RBM27: variants seen among roughly 807,000 people sequenced by gnomAD.
The protein encoded by RBM27 is RNA binding motif protein 27.
RBM27 carries 22 observed loss-of-function variants against 135.3 expected under a neutral mutation model. The observed-to-expected ratio is 0.16, with a 90% CI of 0.12 to 0.23. The LOEUF (loss-of-function observed/expected upper bound fraction) is 0.23, where lower values mean the gene tolerates loss of function less well. RBM27 is among the 10% of genes least tolerant of loss of function. RBM27 has a pLI of 1.00. For synonymous variants in RBM27, 481 were observed against 442.4 expected (o/e 1.09, Z -1.10); for missense variants, 1,009 against 1,281.0 (o/e 0.79, Z 3.24).
chr5:146,267,083 A>G (rs1758647127), intron 14 of RBM27, among the ~76,000 whole-genome samples: 1 of 152,248 alleles, frequency 6.6e-6, no homozygotes, highest in Non-Finnish European at 1.5e-5. Context: ...CCTGTAGCCA[A>G]ACAAATTCAA....
Position 146,286,928 on chromosome 5 carries a change from A to G in RBM27, c.*898A>G, listed in dbSNP as rs138769309. On this transcript the variant is annotated 3_prime_UTR_variant, in exon 21 of 21. Coordinates refer to ENST00000265271, the MANE Select transcript of RBM27 (RefSeq NM_018989.2). ...TTTGGGCAACCGCAGGCAGTCTCCA[A>G]TAAAAGGTTCAAACCAGCACCTGGA... is the stretch of plus-strand genomic sequence containing the variant. 6.6e-6 allele frequency: 1 copy of G among 152,630 alleles called. No individual in the cohort carries two copies. Among genetic ancestry groups the G allele is most frequent in the Non-Finnish European group, 1.5e-5 (1 of 68,026 alleles). The allele number at this position is 152,630 out of a possible 1,614,324, so 9.5% of individuals were successfully genotyped here.
rs149561318 is a variant in RBM27 at position 146,214,918 on chromosome 5, C to T, written c.60-4067C>T. 1.2e-3 allele frequency among the ~76,000 whole-genome samples: 184 copies of T among 152,300 alleles called. 2 individuals are homozygous for T. The East Asian group carries it at 0.028, about 23-fold the overall frequency. On this transcript the variant is annotated intron_variant, in intron 1 of 20. Coordinates refer to ENST00000265271, the MANE Select transcript of RBM27 (RefSeq NM_018989.2). ...TTCTCCTGGAGTCTAACCTTTTCTA[C>T]TCTTTTACTTTCCTGTATATTCATC...
chr5:146,285,905 A>G lies in RBM27; in HGVS notation c.3100-42A>G, dbSNP rs547772059. The G allele has an allele frequency of 4.7e-5, 70 of 1,481,726 alleles. No individual in the cohort carries two copies. The South Asian group carries it at 6.8e-4, about 14-fold the overall frequency. The allele number at this position is 1,481,726 out of a possible 1,614,324, so 91.8% of individuals were successfully genotyped here. A position where few individuals can be genotyped will look rare whatever the true frequency, so the allele number is the denominator to read the frequency against. ...TGGCCTAAAAAGTATTTTACTTACC[A>G]TTCTTGTGCCACTAAGCAGATTTTA... On this transcript the variant is annotated intron_variant, in intron 20 of 20. Coordinates refer to ENST00000265271, the MANE Select transcript of RBM27 (RefSeq NM_018989.2).
chr5:146,275,287 G>T (rs1333112577), intron 19 of RBM27, among the ~76,000 whole-genome samples: 1 of 149,608 alleles, frequency 6.7e-6, no homozygotes, highest in Non-Finnish European at 1.5e-5. Context: ...TTATTTTTTT[G>T]GAGACGGAGT....
chr5:146,267,082 AAACAAATTC>A (rs1758647225), intron 14 of RBM27, among the ~76,000 whole-genome samples: 1 of 152,242 alleles, frequency 6.6e-6, no homozygotes. Context: ...ACCTGTAGCC[AAACAAATTC>A]AACTTATTAT....
intron 14 of RBM27, among the ~76,000 whole-genome samples, chr5:146,265,206 G>C (rs933222985): frequency 1.3e-5 from 2 of 152,120 alleles, no homozygotes; most frequent in Non-Finnish European, 2.9e-5. Context: ...ATACCCATCT[G>C]TAGGGGACTG....
chr5:146,212,868 C>T (rs542425188), intron 1 of RBM27, among the ~76,000 whole-genome samples: 21 of 152,096 alleles, frequency 1.4e-4, no homozygotes, highest in East Asian at 1.4e-3. Context: ...CACCCACTAC[C>T]GTGCCCAGCT....
chr5:146,256,346 T>A (rs1758101664), intron 10 of RBM27, among the ~76,000 whole-genome samples: 1 of 146,490 alleles, frequency 6.8e-6, no homozygotes, highest in Non-Finnish European at 1.5e-5. Flanking sequence ...TTATATATAT[T>A]ATTTATATAT....
chr5:146,269,088 A>G (rs1234882728), intron 15 of RBM27, 119 bp from the exon 16 acceptor site: 21 of 592,594 alleles, frequency 3.5e-5, no homozygotes, highest in East Asian at 5.5e-5. Flanking sequence ...GGTTTCATCT[A>G]TGGTGTCAGC....
chr5:146,227,064 T>C (rs1189014613), intron 3 of RBM27, among the ~76,000 whole-genome samples: 1 of 152,216 alleles, frequency 6.6e-6, no homozygotes, highest in East Asian at 1.9e-4. Flanking sequence ...CCATTTTAAC[T>C]TTCTTCCTTG....
intron 1 of RBM27, among the ~76,000 whole-genome samples, chr5:146,212,349 C>T (rs1032349714): frequency 3.4e-5 from 5 of 145,758 alleles, no homozygotes; most frequent in African/African-American, 1.0e-4. Context: ...CCACCCCGCC[C>T]GGCCCTTGTT....
At chr5:146,210,432 C>A (rs1755882659) in intron 1 of RBM27, among the ~76,000 whole-genome samples, 1 of 151,952 alleles carries the variant, frequency 6.6e-6, no homozygotes, top group African/African-American at 2.4e-5. Context: ...ATGAAAGCCC[C>A]TAATTACTTA....
intron 7 of RBM27, among the ~76,000 whole-genome samples, chr5:146,234,406 T>C (rs1304852881): frequency 6.6e-6 from 1 of 152,130 alleles, no homozygotes; most frequent in Non-Finnish European, 1.5e-5. Context: ...CCATACACTT[T>C]CTTTGGGTTG....
intron 19 of RBM27, among the ~76,000 whole-genome samples, chr5:146,276,914 A>G (rs1283054543): frequency 6.6e-6 from 1 of 152,202 alleles, no homozygotes; most frequent in Non-Finnish European, 1.5e-5. Flanking sequence ...ATTAAATTTA[A>G]AAGGTAATAT....
chr5:146,225,699 G>C (rs1026981189), intron 3 of RBM27, among the ~76,000 whole-genome samples: 2 of 151,862 alleles, frequency 1.3e-5, no homozygotes, highest in Admixed American at 1.3e-4. Context: ...CTAAGTAGCT[G>C]GGATTACAGG....
intron 8 of RBM27, among the ~76,000 whole-genome samples, chr5:146,239,435 T>C (rs1757303591): frequency 6.7e-6 from 1 of 149,004 alleles, no homozygotes; most frequent in South Asian, 2.2e-4. Flanking sequence ...AGTAAACCCC[T>C]CTCTAGGACT....
At chr5:146,278,954 C>G (rs985059244) in intron 19 of RBM27, among the ~76,000 whole-genome samples, 1 of 151,848 alleles carries the variant, frequency 6.6e-6, no homozygotes, top group African/African-American at 2.4e-5. Flanking sequence ...ATCTCCTGAC[C>G]TCGTGATCTG....
chr5:146,211,464 C>CTTTTTTATTTTTTTTTTTT (rs1755944190), intron 1 of RBM27, among the ~76,000 whole-genome samples: 1 of 49,904 alleles, frequency 2.0e-5, no homozygotes, highest in Non-Finnish European at 3.7e-5. Flanking sequence ...ATGGTCTTAT[C>CTTTTTTATTTTTTTTTTTT]TTTTTTTTTT....
intron 8 of RBM27, among the ~76,000 whole-genome samples, chr5:146,241,049 G>A (rs879893089): frequency 6.6e-6 from 1 of 151,886 alleles, no homozygotes; most frequent in Non-Finnish European, 1.5e-5. Flanking sequence ...TTTGCCTTTT[G>A]GACTTGTAAA....
Sources: gnomAD v4.1 joint callset for allele counts (sites outside exome capture counted in the v4.1 genomes callset) on GRCh38, gnomAD v4.1.1 for gene constraint, MANE v1.5 for transcripts, NCBI Gene and HGNC (gene_info 2026-07-23, HGNC 2026-07-21) for gene names.